The following JMJD1C variants were observed in gnomAD, a reference collection of about 807,000 sequenced individuals.
The protein encoded by JMJD1C is jumonji domain-containing protein 1C.
JMJD1C carries 31 observed loss-of-function variants against 245.3 expected under a neutral mutation model. The ratio of observed to expected loss-of-function variants is 0.13; its 90% CI spans 0.09 to 0.17. The LOEUF is 0.17. Among genes scored for constraint, JMJD1C ranks in the 10% least tolerant of loss-of-function variants. The pLI, the probability that JMJD1C is intolerant of heterozygous loss-of-function variation, is 1.00. For missense variants in JMJD1C, 2,691 were observed against 3,000.2 expected (o/e 0.90, Z 2.41); for synonymous variants, 1,057 against 1,017.4 (o/e 1.04, Z -0.74).
chr10:63,518,093 T>C (rs1221641403), intron 1 of JMJD1C, among the ~76,000 whole-genome samples: 2 of 152,146 alleles, frequency 1.3e-5, no homozygotes, highest in East Asian at 1.9e-4. Context: ...GCACCCAGCA[T>C]AATGGCCACT....
intron 2 of JMJD1C, among the ~76,000 whole-genome samples, chr10:63,375,754 T>C (rs1435640702): frequency 1.3e-5 from 2 of 152,062 alleles, no homozygotes; most frequent in Admixed American, 6.6e-5. Flanking sequence ...GGGGGCTCGC[T>C]GCATTGTTCA....
chr10:63,319,266 A>AAG (rs1243390200), intron 2 of JMJD1C, among the ~76,000 whole-genome samples: 2 of 151,296 alleles, frequency 1.3e-5, no homozygotes, highest in African/African-American at 4.8e-5. Context: ...AAAAAAAAAA[A>AAG]AAAAAAAAAA....
At chr10:63,349,442 G>C (rs1406666917) in intron 2 of JMJD1C, among the ~76,000 whole-genome samples, 1 of 152,204 alleles carries the variant, frequency 6.6e-6, no homozygotes, top group Non-Finnish European at 1.5e-5. Flanking sequence ...TTGTGCTCTA[G>C]CACTTGGGGA....
intron 1 of JMJD1C, among the ~76,000 whole-genome samples, chr10:63,433,140 G>T (rs1374680563): frequency 6.6e-6 from 1 of 151,234 alleles, no homozygotes; most frequent in Non-Finnish European, 1.5e-5. Context: ...TGCCCAGGCT[G>T]GAGTGCAATG....
rs962426916 is a variant in JMJD1C at position 63,189,242 on chromosome 10, G to T, written c.6496C>A (p.His2166Asn). ...TTATAATCCTTAAGCCATAAAATAT[G>T]CTTCTCACAGATCCAAGAATGTGGT... ...DIPHSWICEKHILWLKDYKNS... is the reference protein window; with the variant it reads ...DIPHSWICEKNILWLKDYKNS... Residue 2166 changes from histidine (H) to asparagine (N), a missense_variant, in exon 18 of 26, where the codon CAT becomes AAT. His to Asn is a moderately conservative substitution (Grantham distance 68). Around this residue, in one of 9 missense-constraint regions of JMJD1C, gnomAD observed 275 missense variants for 285.5 expected, o/e 0.96. Transcript: ENST00000399262. 1 of 1,612,608 alleles carries T rather than the reference G, an allele frequency of 6.2e-7. No individual in the cohort carries two copies. The highest frequency in any genetic ancestry group is 8.5e-7 in the Non-Finnish European group (1 of 1,178,956).
chr10:63,497,291 C>A (rs1007129768), intron 1 of JMJD1C, among the ~76,000 whole-genome samples: 2 of 152,064 alleles, frequency 1.3e-5, no homozygotes, highest in Non-Finnish European at 2.9e-5. Context: ...TATCCATCAA[C>A]TGATGATATA....
At chr10:63,486,137 T>TAAAAAAAAAAAA (rs1166721473) in intron 1 of JMJD1C, among the ~76,000 whole-genome samples, 14 of 73,288 alleles carry the variant, frequency 1.9e-4, no homozygotes, top group African/African-American at 8.9e-4. Context: ...CAAGCAATTG[T>TAAAAAAAAAAAA]AAAAAAAAAA....
chr10:63,206,861 A>G lies in JMJD1C; in HGVS notation c.4808T>C (p.Ile1603Thr), dbSNP rs200242659. Residue 1603 changes from isoleucine (I) to threonine (T), a missense_variant, in exon 10 of 26, where the codon ATA becomes ACA. Around this residue, in one of 9 missense-constraint regions of JMJD1C, gnomAD observed 144 missense variants for 143.3 expected, o/e 1.00. Coordinates refer to ENST00000399262, the MANE Select transcript of JMJD1C (RefSeq NM_032776.3). The part of the protein sequence containing the change: ...DIQNSVDSKI[I>T]VDKYVKDDKV... ...ATCATCTTTTACATATTTATCAACT[A>G]TGATCTTACTATCTACACTATTTTG... 4.1e-4 allele frequency: 654 copies of G among 1,606,810 alleles called. 1 individual carries two copies. The highest frequency in any genetic ancestry group is 4.8e-4 in the Non-Finnish European group (567 of 1,176,992).
At position 63,465,497 on chromosome 10, in the gene JMJD1C, C is replaced by T; in HGVS notation, c.166G>A (p.Ala56Thr). The stretch of plus-strand genomic sequence containing the variant: ...AAGGGGGGCGCTGACTCTCTTACCG[C>T]CAGGTCCGGATTGCGGCTGTCCCTG... ...SHRDSRNPDL[A>T]VYVEFDDLEW... The change falls in exon 1 of 26, where the codon GCG (alanine) becomes ACG (threonine). Residue 56 changes from alanine (A) to threonine (T), a missense_variant and splice_region_variant. Ala to Thr is a moderately conservative substitution (Grantham distance 58). This residue lies in a region of JMJD1C where 135 missense variants were observed against 115.5 expected (regional missense o/e 1.17). Transcript: ENST00000399262. The T allele has an allele frequency of 6.2e-7, 1 of 1,601,724 alleles. No individual in the cohort carries two copies. Among genetic ancestry groups the T allele is most frequent in the Non-Finnish European group, 8.5e-7 (1 of 1,176,656 alleles).
intron 2 of JMJD1C, among the ~76,000 whole-genome samples, chr10:63,378,374 G>A (rs921214302): frequency 1.3e-5 from 2 of 152,074 alleles, no homozygotes; most frequent in African/African-American, 4.8e-5. Context: ...GGTGGATCAC[G>A]AGGTCAGGAG....
intron 2 of JMJD1C, among the ~76,000 whole-genome samples, chr10:63,368,189 A>G (rs989570872): frequency 2.0e-5 from 3 of 152,230 alleles, no homozygotes; most frequent in African/African-American, 7.2e-5. Flanking sequence ...CAACTAGTTT[A>G]CTATTGGGCA....
chr10:63,180,934 A>G (rs991235455), intron 22 of JMJD1C, among the ~76,000 whole-genome samples: 1 of 151,850 alleles, frequency 6.6e-6, no homozygotes, highest in African/African-American at 2.4e-5. Flanking sequence ...ACGCCCGGCT[A>G]ATTTTTTGTA....
chr10:63,330,414 T>A (rs1243683863), intron 2 of JMJD1C, among the ~76,000 whole-genome samples: 1 of 152,212 alleles, frequency 6.6e-6, no homozygotes, highest in Non-Finnish European at 1.5e-5. Context: ...TAGTTTACCA[T>A]AATGCTTTAC....
In JMJD1C at chr10:63,171,221, T is replaced by G. The variant is rs1469230784; in HGVS notation, c.7402-2655A>C. ...GTTGCTGTTTTTAAGTAAAGGCCAC[T>G]CTAAACCTCAGAATACTACAGCTGA... On this transcript the variant is annotated intron_variant, in intron 24 of 25. Transcript: ENST00000399262. Among the ~76,000 whole-genome samples, 3 of 152,222 alleles carry G rather than the reference T, an allele frequency of 2.0e-5. No homozygotes were observed. The South Asian group carries it at 6.2e-4, about 32-fold the overall frequency.
chr10:63,292,006 C>T (rs1383366882), intron 2 of JMJD1C, among the ~76,000 whole-genome samples: 1 of 151,878 alleles, frequency 6.6e-6, no homozygotes, highest in East Asian at 1.9e-4. Flanking sequence ...GCTGGAGTGT[C>T]ATGGCACGAT....
chr10:63,461,879 G>C (rs751336189), intron 1 of JMJD1C, among the ~76,000 whole-genome samples: 4 of 152,116 alleles, frequency 2.6e-5, no homozygotes, highest in Non-Finnish European at 4.4e-5. Flanking sequence ...TGGAAGCGAA[G>C]TTAAACAAGA....
intron 2 of JMJD1C, among the ~76,000 whole-genome samples, chr10:63,364,046 G>T (rs1043538454): frequency 6.6e-6 from 1 of 151,756 alleles, no homozygotes; most frequent in Non-Finnish European, 1.5e-5. Context: ...TTTTTTTTAC[G>T]TAGAGACTGG....
chr10:63,197,296 T>A, intron 13 of JMJD1C, 115 bp downstream of exon 13: 4 of 857,432 alleles, frequency 4.7e-6, no homozygotes, highest in Non-Finnish European at 7.0e-6. Flanking sequence ...TGAAAAAAAA[T>A]ACTTAATACA....
chr10:63,500,073 G>A (rs61853632), intron 1 of JMJD1C, among the ~76,000 whole-genome samples: 3,366 of 152,276 alleles, frequency 0.022, 66 homozygotes, highest in Middle Eastern at 0.038. Context: ...ATAACAAACT[G>A]AGAGGCCTGG....
Sources: allele counts gnomAD v4.1 joint callset (sites outside exome capture counted in the v4.1 genomes callset), GRCh38; gene constraint gnomAD v4.1.1; regional missense constraint gnomAD v4.1.1; transcripts MANE v1.5; gene names NCBI Gene and HGNC (gene_info 2026-07-23, HGNC 2026-07-21).